The following BLTP3A variants were observed in gnomAD, a reference collection of about 807,000 sequenced individuals.
BLTP3A encodes the protein bridge-like lipid transfer protein family member 3A, also known as ICBP90 binding protein 1.
At chr6:34,845,791 G>A in the BLTP3A span, among the ~76,000 whole-genome samples, 2 of 151,880 alleles carry the variant, frequency 1.3e-5, no homozygotes, top group Non-Finnish European at 1.5e-5. Context: ...TAGAGACGGG[G>A]TTTCAGCGTG....
At chr6:34,836,290 T>C in the BLTP3A span, 10 of 1,614,056 alleles carry the variant, frequency 6.2e-6, no homozygotes, top group Admixed American at 1.7e-5. Flanking sequence ...CCTCCTACCA[T>C]CTGCTCATCT....
At chr6:34,867,177 A>G in the BLTP3A span, 2 of 1,551,598 alleles carry the variant, frequency 1.3e-6, no homozygotes, top group Non-Finnish European at 1.7e-6. Flanking sequence ...GTTGGATTTG[A>G]ACAGAATATT....
chr6:34,803,089 G>A, the BLTP3A span, among the ~76,000 whole-genome samples: 1 of 152,092 alleles, frequency 6.6e-6, no homozygotes, highest in African/African-American at 2.4e-5. Flanking sequence ...GGGGGCTGAG[G>A]TGGGAGGATT....
chr6:34,862,276 T>C, the BLTP3A span, among the ~76,000 whole-genome samples: 1 of 151,836 alleles, frequency 6.6e-6, no homozygotes, highest in Non-Finnish European at 1.5e-5. Flanking sequence ...CTCGGGAGGC[T>C]GAGGCAGGAG....
At chr6:34,858,939 G>T in the BLTP3A span, 1 of 1,614,158 alleles carries the variant, frequency 6.2e-7, no homozygotes, top group Non-Finnish European at 8.5e-7. Context: ...CAATGACTGG[G>T]TCTCCCCTGC....
chr6:34,816,522 G>A, the BLTP3A span, among the ~76,000 whole-genome samples: 23 of 152,264 alleles, frequency 1.5e-4, no homozygotes, highest in African/African-American at 5.3e-4. Flanking sequence ...GAGATTGGGA[G>A]GGTCACTTGA....
chr6:34,844,077 T>G, the BLTP3A span, among the ~76,000 whole-genome samples: 1 of 152,074 alleles, frequency 6.6e-6, no homozygotes, highest in Non-Finnish European at 1.5e-5. Flanking sequence ...GCCTCCCAGG[T>G]TCACACCATT....
chr6:34,813,681 C>T, the BLTP3A span, among the ~76,000 whole-genome samples: 46 of 152,232 alleles, frequency 3.0e-4, no homozygotes, highest in East Asian at 4.4e-3. Context: ...TGCTTTTTTT[C>T]TGCCAGGGAC....
At chr6:34,810,069 T>A in the BLTP3A span, among the ~76,000 whole-genome samples, 4 of 152,256 alleles carry the variant, frequency 2.6e-5, no homozygotes, top group African/African-American at 9.6e-5. Context: ...TTACATCATC[T>A]GTTTACAAGA....
At chr6:34,862,160 C>T in the BLTP3A span, among the ~76,000 whole-genome samples, 11 of 151,828 alleles carry the variant, frequency 7.2e-5, no homozygotes, top group Non-Finnish European at 1.5e-4. Flanking sequence ...AGGCAGATCA[C>T]GAGGCCAGGA....
chr6:34,871,499 T>C, the BLTP3A span: 11 of 1,367,324 alleles, frequency 8.0e-6, no homozygotes, highest in African/African-American at 1.4e-5. Flanking sequence ...ATAAAGCTGC[T>C]TCAAGCTGAA....
At chr6:34,807,725 A>G in the BLTP3A span, among the ~76,000 whole-genome samples, 4 of 152,198 alleles carry the variant, frequency 2.6e-5, no homozygotes, top group African/African-American at 9.6e-5. Context: ...CTATGAAAGA[A>G]ATATGGGAAT....
the BLTP3A span, among the ~76,000 whole-genome samples, chr6:34,862,562 C>A: frequency 6.6e-6 from 1 of 151,978 alleles, no homozygotes; most frequent in African/African-American, 2.4e-5. Flanking sequence ...TGGCTGGGCG[C>A]GGTGGCTCAC....
the BLTP3A span, among the ~76,000 whole-genome samples, chr6:34,866,689 T>C: frequency 1.3e-5 from 2 of 152,182 alleles, no homozygotes; most frequent in Non-Finnish European, 2.9e-5. Flanking sequence ...CTGCAGGATG[T>C]TTTTCTTCTT....
the BLTP3A span, among the ~76,000 whole-genome samples, chr6:34,800,823 G>A: frequency 6.6e-6 from 1 of 151,496 alleles, no homozygotes; most frequent in South Asian, 2.1e-4. Context: ...CGCCTCCCAG[G>A]TGCAAGCGAT....
chr6:34,835,306 A>G, the BLTP3A span: 1 of 1,613,998 alleles, frequency 6.2e-7, no homozygotes, highest in Non-Finnish European at 8.5e-7. Flanking sequence ...CAAAGATTGC[A>G]ATGTGATATC....
At chr6:34,846,991 A>G in the BLTP3A span, among the ~76,000 whole-genome samples, 1 of 152,166 alleles carries the variant, frequency 6.6e-6, no homozygotes, top group Admixed American at 6.5e-5. Flanking sequence ...AATTTTATCA[A>G]GTGCTTTTTC....
the BLTP3A span, among the ~76,000 whole-genome samples, chr6:34,842,301 A>T: frequency 6.6e-6 from 1 of 152,174 alleles, no homozygotes. Flanking sequence ...CATACAATTC[A>T]TCCATTTACA....
the BLTP3A span, among the ~76,000 whole-genome samples, chr6:34,854,626 G>T: frequency 6.6e-6 from 1 of 152,126 alleles, no homozygotes; most frequent in Non-Finnish European, 1.5e-5. Context: ...AAGCCTACTT[G>T]GGGGGTGATT....
Sources: gnomAD v4.1 joint callset for allele counts (sites outside exome capture counted in the v4.1 genomes callset) on GRCh38, gnomAD v4.1.1 for gene constraint, MANE v1.5 for transcripts, NCBI Gene and HGNC (gene_info 2026-07-23, HGNC 2026-07-21) for gene names.